RPS6KC1: variants seen among roughly 807,000 people sequenced by gnomAD.
The protein encoded by RPS6KC1 is inactive ribosomal protein S6 kinase delta-1.
Under a neutral mutation model 103.8 loss-of-function variants are expected in RPS6KC1, and 54 were observed. The ratio of observed to expected loss-of-function variants is 0.52; its 90% CI spans 0.42 to 0.65. The LOEUF (loss-of-function observed/expected upper bound fraction) is 0.65, where lower values mean the gene tolerates loss of function less well. Among genes scored for constraint, RPS6KC1 ranks in the 30% least tolerant of loss-of-function variants. RPS6KC1 has a pLI of 0.00. For missense variants in RPS6KC1, 1,151 were observed against 1,253.8 expected, an observed-to-expected ratio of 0.92 and a Z score of 1.24; for synonymous variants, 439 against 438.7, an observed-to-expected ratio of 1.00 and a Z score of -0.01.
At chr1:213,282,826 T>A in the RPS6KC1 span, among the ~76,000 whole-genome samples, 1 of 152,204 alleles carries the variant, frequency 6.6e-6, no homozygotes. Context: ...GAACACAGGG[T>A]TTCTGCCTTC....
At chr1:213,696,585 A>G in the RPS6KC1 span, among the ~76,000 whole-genome samples, 2 of 152,070 alleles carry the variant, frequency 1.3e-5, no homozygotes, top group African/African-American at 2.4e-5. Context: ...AAAAAGTTTG[A>G]AAGTGTCCAG....
the RPS6KC1 span, among the ~76,000 whole-genome samples, chr1:213,584,486 C>T: frequency 6.6e-6 from 1 of 152,192 alleles, no homozygotes; most frequent in Non-Finnish European, 1.5e-5. Context: ...GCTTGTCCAG[C>T]TGTTTCTATA....
At chr1:213,087,362 T>C (rs762518499) in intron 3 of RPS6KC1, among the ~76,000 whole-genome samples, 14 of 152,202 alleles carry the variant, frequency 9.2e-5, no homozygotes, top group Non-Finnish European at 1.9e-4. Context: ...CTTATCAACA[T>C]TGGGGAAATT....
At chr1:213,202,852 CAT>C (rs964231658) in intron 8 of RPS6KC1, among the ~76,000 whole-genome samples, 3 of 152,166 alleles carry the variant, frequency 2.0e-5, no homozygotes, top group African/African-American at 4.8e-5. Context: ...AAATGGGAAA[CAT>C]ATAACATTAT....
the RPS6KC1 span, among the ~76,000 whole-genome samples, chr1:213,664,574 C>T: frequency 6.6e-6 from 1 of 151,948 alleles, no homozygotes; most frequent in East Asian, 1.9e-4. Context: ...TCTGATTGGC[C>T]CAACTCTTGT....
chr1:213,195,715 G>C (rs965168427), intron 8 of RPS6KC1, among the ~76,000 whole-genome samples: 1 of 151,914 alleles, frequency 6.6e-6, no homozygotes, highest in Non-Finnish European at 1.5e-5. Flanking sequence ...ATGATGTTTG[G>C]TTTTCTATTC....
At chr1:213,573,041 C>G in the RPS6KC1 span, among the ~76,000 whole-genome samples, 3 of 152,136 alleles carry the variant, frequency 2.0e-5, no homozygotes, top group African/African-American at 7.2e-5. Flanking sequence ...CTCCTGCTCT[C>G]AAGTCTGGAG....
the RPS6KC1 span, among the ~76,000 whole-genome samples, chr1:213,447,963 G>A: frequency 6.6e-6 from 1 of 152,204 alleles, no homozygotes; most frequent in Middle Eastern, 3.4e-3. Flanking sequence ...GGGCATGGGG[G>A]CTCATGCCTG....
intron 8 of RPS6KC1, among the ~76,000 whole-genome samples, chr1:213,197,577 A>C (rs932435326): frequency 1.3e-5 from 2 of 152,042 alleles, no homozygotes; most frequent in African/African-American, 4.8e-5. Context: ...AGTCGTTGCA[A>C]AAGGTGTTGT....
chr1:213,060,305 G>C (rs1232180377), intron 1 of RPS6KC1, among the ~76,000 whole-genome samples: 1 of 152,180 alleles, frequency 6.6e-6, no homozygotes, highest in African/African-American at 2.4e-5. Flanking sequence ...TTAGATTTCA[G>C]TTGTTAAATC....
the RPS6KC1 span, among the ~76,000 whole-genome samples, chr1:213,519,395 A>G: frequency 6.6e-6 from 1 of 152,236 alleles, no homozygotes; most frequent in Non-Finnish European, 1.5e-5. Context: ...TACGTTTTGC[A>G]GAAAAGAAAG....
the RPS6KC1 span, among the ~76,000 whole-genome samples, chr1:213,394,421 C>A: frequency 1.3e-5 from 2 of 152,048 alleles, no homozygotes; most frequent in African/African-American, 4.8e-5. Context: ...GAATGCACCC[C>A]TCACACCCCC....
At chr1:213,698,807 T>C in the RPS6KC1 span, among the ~76,000 whole-genome samples, 1 of 152,172 alleles carries the variant, frequency 6.6e-6, no homozygotes, top group Non-Finnish European at 1.5e-5. Flanking sequence ...GTACCCTTCT[T>C]TTCTTTATTT....
chr1:213,426,987 T>G, the RPS6KC1 span, among the ~76,000 whole-genome samples: 49 of 152,338 alleles, frequency 3.2e-4, no homozygotes, highest in East Asian at 3.3e-3. Flanking sequence ...AAGGCAAGTT[T>G]GTTCCTTAGG....
chr1:213,632,655 G>C, the RPS6KC1 span, among the ~76,000 whole-genome samples: 4 of 152,230 alleles, frequency 2.6e-5, no homozygotes, highest in African/African-American at 9.6e-5. Flanking sequence ...AAGGATCGCA[G>C]CTCCTCGCCA....
the RPS6KC1 span, among the ~76,000 whole-genome samples, chr1:213,328,504 CTATATATATATATATATATATATATATA>C: frequency 3.0e-5 from 3 of 101,446 alleles, no homozygotes; most frequent in African/African-American, 9.5e-5. Context: ...AGCCATTATA[CTATATATATATATATATATATATATATA>C]TATATATATC....
chr1:213,545,982 A>G, the RPS6KC1 span, among the ~76,000 whole-genome samples: 1 of 152,114 alleles, frequency 6.6e-6, no homozygotes, highest in Non-Finnish European at 1.5e-5. Flanking sequence ...CCCTGTAATC[A>G]GGCCCAGGGC....
At chr1:213,480,767 T>G in the RPS6KC1 span, among the ~76,000 whole-genome samples, 1 of 152,124 alleles carries the variant, frequency 6.6e-6, no homozygotes, top group Admixed American at 6.5e-5. Flanking sequence ...GTAAGTAGCC[T>G]TTTTGGCAGA....
At chr1:213,437,829 C>T in the RPS6KC1 span, among the ~76,000 whole-genome samples, 8 of 151,826 alleles carry the variant, frequency 5.3e-5, no homozygotes, top group African/African-American at 1.9e-4. Flanking sequence ...TCAGCCTTTA[C>T]AATCTCCTAA....
Sources: allele counts gnomAD v4.1 joint callset (sites outside exome capture counted in the v4.1 genomes callset), GRCh38; gene constraint gnomAD v4.1.1; transcripts MANE v1.5; gene names NCBI Gene and HGNC (gene_info 2026-07-23, HGNC 2026-07-21).